CEP85L: variants seen among roughly 807,000 people sequenced by gnomAD.
CEP85L encodes the protein centrosomal protein 85L.
In CEP85L, 60 loss-of-function variants were observed where a neutral mutation model predicts 100.3. The observed-to-expected ratio is 0.60, with a 90% CI of 0.49 to 0.74. The LOEUF (loss-of-function observed/expected upper bound fraction) is 0.74, where lower values mean the gene tolerates loss of function less well. Among genes scored for constraint, CEP85L ranks in the 30% least tolerant of loss-of-function variants. The pLI, the probability that CEP85L is intolerant of heterozygous loss-of-function variation, is 0.00. For synonymous variants in CEP85L, 319 were observed against 322.7 expected, an observed-to-expected ratio of 0.99 and a Z score of 0.12; for missense variants, 973 against 936.2, an observed-to-expected ratio of 1.04 and a Z score of -0.51.
At chr6:118,495,289 G>A (rs768480792) in intron 5 of CEP85L, among the ~76,000 whole-genome samples, 1 of 152,252 alleles carries the variant, frequency 6.6e-6, no homozygotes, top group African/African-American at 2.4e-5. Context: ...TGCTGGGGTG[G>A]AATGACACGG....
In CEP85L at chr6:118,464,144, A is replaced by G. The variant is rs957859933; in HGVS notation, c.*1261T>C. On this transcript the variant is annotated 3_prime_UTR_variant, in exon 13 of 13. Coordinates refer to ENST00000368491, the MANE Select transcript of CEP85L (RefSeq NM_001042475.3). ...CTTTCGCCAAAACTAAGTATATTCAAAAGAACATAATCAATGCTGAAGGCA... is the reference window on the plus strand; with the variant it reads ...CTTTCGCCAAAACTAAGTATATTCAGAAGAACATAATCAATGCTGAAGGCA... The G allele has an allele frequency of 8.5e-5, 13 of 152,208 alleles. No individual in the cohort carries two copies. Among genetic ancestry groups the G allele is most frequent in the African/African-American group, 3.1e-4 (13 of 41,474 alleles). 9.4% of individuals were successfully genotyped at this position (152,208 alleles called of 1,614,324 possible). A position where few individuals can be genotyped will look rare whatever the true frequency, so the allele number is the denominator to read the frequency against.
chr6:118,511,658 T>C (rs754415741), intron 4 of CEP85L, among the ~76,000 whole-genome samples: 7 of 152,206 alleles, frequency 4.6e-5, no homozygotes, highest in Non-Finnish European at 4.4e-5. Context: ...TTGTATGCAG[T>C]ATCTCTCATC....
intron 2 of CEP85L, among the ~76,000 whole-genome samples, chr6:118,604,897 A>G (rs1772079168): frequency 6.7e-6 from 1 of 150,000 alleles, no homozygotes; most frequent in Non-Finnish European, 1.5e-5. Context: ...TTTCCAAAAG[A>G]TTACTAAAGT....
intron 2 of CEP85L, among the ~76,000 whole-genome samples, chr6:118,627,198 C>CAAAAAA (rs56203910): frequency 2.8e-5 from 2 of 72,546 alleles, no homozygotes; most frequent in Non-Finnish European, 5.2e-5. Context: ...GACTCCATCT[C>CAAAAAA]AAAAAAAAAA....
chr6:118,485,822 A>C (rs925763041), intron 6 of CEP85L, among the ~76,000 whole-genome samples: 10 of 152,322 alleles, frequency 6.6e-5, no homozygotes, highest in African/African-American at 2.4e-4. Context: ...TGCCTTAGCA[A>C]ATGACCCTGT....
chr6:118,628,992 G>C (rs535417676), intron 2 of CEP85L, among the ~76,000 whole-genome samples: 2 of 152,240 alleles, frequency 1.3e-5, no homozygotes, highest in South Asian at 2.1e-4. Flanking sequence ...ATATCCGCAG[G>C]TTCCACATCT....
At chr6:118,538,408 T>C (rs987368794) in intron 3 of CEP85L, among the ~76,000 whole-genome samples, 42 of 151,942 alleles carry the variant, frequency 2.8e-4, no homozygotes, top group African/African-American at 1.0e-3. Flanking sequence ...TATAAATATA[T>C]ATATAAAAAA....
chr6:118,620,422 A>T (rs2115272753), intron 2 of CEP85L, among the ~76,000 whole-genome samples: 1 of 152,346 alleles, frequency 6.6e-6, no homozygotes, highest in Non-Finnish European at 1.5e-5. Context: ...AGGACAAAAA[A>T]TGGAGCAGGA....
intron 1 of CEP85L, among the ~76,000 whole-genome samples, chr6:118,675,722 C>T (rs566600432): frequency 9.2e-5 from 14 of 151,746 alleles, no homozygotes; most frequent in Non-Finnish European, 1.6e-4. Context: ...GACAACATAG[C>T]GAGACCCCAA....
intron 3 of CEP85L, among the ~76,000 whole-genome samples, chr6:118,527,926 A>G (rs1304266997): frequency 4.6e-5 from 7 of 152,286 alleles, no homozygotes; most frequent in Non-Finnish European, 7.4e-5. Flanking sequence ...CCTAACAAAA[A>G]TCTTCTAGGC....
intron 1 of CEP85L, among the ~76,000 whole-genome samples, chr6:118,647,598 G>A (rs1775286120): frequency 6.6e-6 from 1 of 152,162 alleles, no homozygotes; most frequent in African/African-American, 2.4e-5. Flanking sequence ...CTGACCTCAA[G>A]TGATCCGCCC....
chr6:118,649,378 T>C (rs1355703059), intron 1 of CEP85L, among the ~76,000 whole-genome samples: 2 of 152,200 alleles, frequency 1.3e-5, no homozygotes, highest in Non-Finnish European at 1.5e-5. Context: ...TATTATTCTA[T>C]GCCATAGCAA....
At chr6:118,709,556 T>TGTGTGTGAGAGA (rs751698371) in intron 1 of CEP85L, among the ~76,000 whole-genome samples, 8 of 142,324 alleles carry the variant, frequency 5.6e-5, no homozygotes, top group African/African-American at 2.0e-4. Context: ...TGTGTGTGTG[T>TGTGTGTGAGAGA]GAGAGAGAGA....
In CEP85L at chr6:118,464,462, A is replaced by C. The variant is rs1772380379; in HGVS notation, c.*943T>G. On this transcript the variant is annotated 3_prime_UTR_variant, in exon 13 of 13. Transcript: ENST00000368491. ...GTAGTTTCAACTTTGAAACATACAA[A>C]ACTGTTAAAATGTAAATGTTGAGAT... The C allele has an allele frequency of 6.6e-6, 1 of 152,168 alleles. No individual in the cohort carries two copies. Among genetic ancestry groups the C allele is most frequent in the Non-Finnish European group, 1.5e-5 (1 of 68,006 alleles). 9.4% of individuals were successfully genotyped at this position (152,168 alleles called of 1,614,324 possible).
rs538686443 is a variant in CEP85L at position 118,462,720 on chromosome 6, A to T, written c.*2685T>A. The T allele has an allele frequency of 2.0e-5, 3 of 152,144 alleles. No homozygotes were observed. Among genetic ancestry groups the T allele is most frequent in the African/African-American group, 7.2e-5 (3 of 41,578 alleles). 9.4% of individuals were successfully genotyped at this position (152,144 alleles called of 1,614,324 possible). ...TAGTTCAAACTGGGTGAGATGCTCTAGTGTTGCTATTTGCCCATCTTATTT... is the reference window on the plus strand; with the variant it reads ...TAGTTCAAACTGGGTGAGATGCTCTTGTGTTGCTATTTGCCCATCTTATTT... On this transcript the variant is annotated 3_prime_UTR_variant, in exon 13 of 13. Transcript: ENST00000368491.
At chr6:118,620,983 G>C (rs1163370740) in intron 2 of CEP85L, among the ~76,000 whole-genome samples, 1 of 152,188 alleles carries the variant, frequency 6.6e-6, no homozygotes, top group Admixed American at 6.5e-5. Flanking sequence ...TCCCTTACTT[G>C]AGGAGGGAAT....
rs566450142 is a variant in CEP85L, at chr6:118,467,594, C to A, written c.2254+1478G>T. Among the ~76,000 whole-genome samples the A allele has an allele frequency of 2.1e-4, 32 of 152,166 alleles. 1 individual carries two copies. Among genetic ancestry groups the A allele is most frequent in the Admixed American group, 2.1e-3 (32 of 15,288 alleles). On this transcript the variant is annotated intron_variant, in intron 12 of 12. Transcript: ENST00000368491. ...ACTAGAAGGAGTATTGGGAGGTGGG[C>A]GTGGTAAGATTCACATTAGGATAGC...
rs144869091 is a variant in CEP85L, at chr6:118,463,019, T to TG, written c.*2385dup. 1 of 151,870 alleles carries TG rather than the reference T, an allele frequency of 6.6e-6. No homozygotes were observed. The highest frequency in any genetic ancestry group is 1.5e-5 in the Non-Finnish European group (1 of 67,870). 9.4% of individuals were successfully genotyped at this position (151,870 alleles called of 1,614,324 possible). On this transcript the variant is annotated 3_prime_UTR_variant, in exon 13 of 13. Coordinates refer to ENST00000368491, the MANE Select transcript of CEP85L (RefSeq NM_001042475.3). ...TAGCACATCTTAACTCCCTTTTTTA[T>TG]GGGGGGAGGGTACAGATTTTGGAAA... is the stretch of plus-strand genomic sequence containing the variant.
intron 1 of CEP85L, among the ~76,000 whole-genome samples, chr6:118,673,552 G>A (rs2638546): frequency 0.088 from 13,359 of 152,214 alleles, 1,058 homozygotes; most frequent in African/African-American, 0.21. Flanking sequence ...TCAGAAACCA[G>A]TGAGAAATTC....
Sources: gnomAD v4.1 joint callset for allele counts (sites outside exome capture counted in the v4.1 genomes callset) on GRCh38, gnomAD v4.1.1 for gene constraint, MANE v1.5 for transcripts, NCBI Gene and HGNC (gene_info 2026-07-23, HGNC 2026-07-21) for gene names.